TM4SF20: variants seen among roughly 807,000 people sequenced by gnomAD.
TM4SF20 encodes transmembrane 4 L six family member 20.
Under a neutral mutation model 15.1 loss-of-function variants are expected in TM4SF20, and 13 were observed. The observed-to-expected ratio is 0.86, with a 90% CI of 0.56 to 1.36. The LOEUF (loss-of-function observed/expected upper bound fraction) is 1.36. Ranked by LOEUF, TM4SF20 falls within the 40% of genes most tolerant of loss-of-function variation. TM4SF20 has a pLI of 0.00. For missense variants in TM4SF20, 282 were observed against 268.4 expected (o/e 1.05, Z -0.35); for synonymous variants, 92 against 96.6 (o/e 0.95, Z 0.28).
chr2:227,364,678 G>A (rs1403892462), intron 3 of TM4SF20, among the ~76,000 whole-genome samples: 2 of 152,116 alleles, frequency 1.3e-5, no homozygotes, highest in Non-Finnish European at 2.9e-5. Flanking sequence ...TCAGCACATG[G>A]AATATGAGTG....
chr2:227,381,301 C>G (rs1248793287), upstream of TM4SF20, among the ~76,000 whole-genome samples: 1 of 151,824 alleles, frequency 6.6e-6, no homozygotes, highest in East Asian at 1.9e-4. Flanking sequence ...AAACACCCAC[C>G]TATCAACACA....
chr2:227,377,901 G>A (rs1355761141), intron 1 of TM4SF20, among the ~76,000 whole-genome samples: 1 of 151,764 alleles, frequency 6.6e-6, no homozygotes, highest in African/African-American at 2.4e-5. Context: ...TCTGGATGAC[G>A]AAATAATCTG....
chr2:227,368,289 C>G (rs1157167847), intron 2 of TM4SF20, among the ~76,000 whole-genome samples: 1 of 147,030 alleles, frequency 6.8e-6, no homozygotes, highest in Non-Finnish European at 1.5e-5. Context: ...TCCCAAAGTG[C>G]TGGGATTACA....
At chr2:227,373,658 C>G (rs1429498166) in intron 1 of TM4SF20, among the ~76,000 whole-genome samples, 2 of 152,006 alleles carry the variant, frequency 1.3e-5, no homozygotes, top group Non-Finnish European at 2.9e-5. Flanking sequence ...AGGCCGGGCG[C>G]GGTGGCTCAC....
chr2:227,369,966 G>A (rs903668706), intron 2 of TM4SF20, among the ~76,000 whole-genome samples: 45 of 152,208 alleles, frequency 3.0e-4, no homozygotes, highest in African/African-American at 4.6e-4. Context: ...CCATTCCTTC[G>A]TCAATCAAAC....
chr2:227,364,741 C>A (rs2076382755), intron 3 of TM4SF20, among the ~76,000 whole-genome samples: 1 of 152,192 alleles, frequency 6.6e-6, no homozygotes, highest in Non-Finnish European at 1.5e-5. Flanking sequence ...CTTTGCTAGC[C>A]TAGCCCATCT....
intron 1 of TM4SF20, among the ~76,000 whole-genome samples, chr2:227,374,291 A>G (rs1204743313): frequency 6.6e-6 from 1 of 152,046 alleles, no homozygotes; most frequent in African/African-American, 2.4e-5. Flanking sequence ...ATAAGTCACC[A>G]CCCCACCGAC....
chr2:227,381,434 TA>T (rs1575027891), upstream of TM4SF20, among the ~76,000 whole-genome samples: 1 of 151,806 alleles, frequency 6.6e-6, no homozygotes, highest in Admixed American at 6.6e-5. Context: ...TATAATATTC[TA>T]AAAAAATATA....
intron 1 of TM4SF20, among the ~76,000 whole-genome samples, chr2:227,373,413 T>C (rs1420806552): frequency 6.6e-6 from 1 of 152,196 alleles, no homozygotes. Flanking sequence ...GAAAAGAAAT[T>C]TTAGCTCCCA....
chr2:227,365,986 G>A (rs756118644), intron 3 of TM4SF20, 107 bp downstream of exon 3: 259 of 1,156,710 alleles, frequency 2.2e-4, no homozygotes, highest in Non-Finnish European at 2.7e-4. Flanking sequence ...CGTTTGTCCC[G>A]GCAGTTGCAT....
At chr2:227,369,692 G>A (rs1028680662) in intron 2 of TM4SF20, among the ~76,000 whole-genome samples, 4 of 152,032 alleles carry the variant, frequency 2.6e-5, no homozygotes, top group South Asian at 2.1e-4. Flanking sequence ...GCCTCCCAAA[G>A]TGCTGTGAGC....
At chr2:227,376,361 T>C (rs1024631797) in intron 1 of TM4SF20, among the ~76,000 whole-genome samples, 6 of 152,246 alleles carry the variant, frequency 3.9e-5, no homozygotes, top group Non-Finnish European at 5.9e-5. Flanking sequence ...ATAAAGGACA[T>C]ATTAATAAAT....
Position 227,375,778 on chromosome 2 carries a change from C to T in TM4SF20, c.183+3308G>A, listed in dbSNP as rs374804314. Reference sequence around the variant, plus strand: ...TGCTGGGATTACAGACATGAGCCACCGTGCCTGGCCAGCTTTCAACAATTT... The same window carrying T: ...TGCTGGGATTACAGACATGAGCCACTGTGCCTGGCCAGCTTTCAACAATTT... On this transcript the variant is annotated intron_variant, in intron 1 of 3. Coordinates refer to ENST00000304568, the MANE Select transcript of TM4SF20 (RefSeq NM_024795.4). Among the ~76,000 whole-genome samples, 9 of 151,990 alleles carry T rather than the reference C, an allele frequency of 5.9e-5. No individual in the cohort carries two copies. In the East Asian group the frequency reaches 7.7e-4, roughly 13 times the overall value.
At chr2:227,366,016 G>A in intron 3 of TM4SF20, 77 bp downstream of exon 3, 4 of 1,421,576 alleles carry the variant, frequency 2.8e-6, no homozygotes, top group Non-Finnish European at 3.8e-6. Flanking sequence ...ACATGGCATT[G>A]TTCCAGTACT....
chr2:227,366,716 C>CAAAAAAAAAAAAAAAAAAA (rs59401554), intron 2 of TM4SF20, among the ~76,000 whole-genome samples: 2 of 68,226 alleles, frequency 2.9e-5, no homozygotes, highest in African/African-American at 1.0e-4. Context: ...AAGACTCTGT[C>CAAAAAAAAAAAAAAAAAAA]AAAAAAAAAA....
chr2:227,373,944 AAAT>A (rs1389819931), intron 1 of TM4SF20, among the ~76,000 whole-genome samples: 1 of 151,576 alleles, frequency 6.6e-6, no homozygotes, highest in Non-Finnish European at 1.5e-5. Context: ...AAAAAAAAAA[AAAT>A]ATGTGGAAGA....
chr2:227,378,956 T>C (rs2076464562), intron 1 of TM4SF20, 130 bp downstream of exon 1: 30 of 798,528 alleles, frequency 3.8e-5, no homozygotes, highest in Non-Finnish European at 5.2e-5. Flanking sequence ...TATAAATTAA[T>C]GCCATACTAC....
chr2:227,367,157 G>A (rs956203241), intron 2 of TM4SF20, among the ~76,000 whole-genome samples: 1 of 152,046 alleles, frequency 6.6e-6, no homozygotes, highest in African/African-American at 2.4e-5. Context: ...ATCCCCCGAC[G>A]CCTTGCCACC....
chr2:227,380,256 G>T (rs565686387), upstream of TM4SF20, among the ~76,000 whole-genome samples: 16 of 152,316 alleles, frequency 1.1e-4, no homozygotes, highest in Admixed American at 4.6e-4. Context: ...CTTGAACCTG[G>T]GGGGTGGAGG....
Sources: gnomAD v4.1 joint callset for allele counts (sites outside exome capture counted in the v4.1 genomes callset) on GRCh38, gnomAD v4.1.1 for gene constraint, MANE v1.5 for transcripts, NCBI Gene and HGNC (gene_info 2026-07-23, HGNC 2026-07-21) for gene names.